The following ARPC3 variants were observed in gnomAD, a reference collection of about 807,000 sequenced individuals.
ARPC3 encodes the protein actin related protein 2/3 complex subunit 3.
In ARPC3, 12 loss-of-function variants were observed where a neutral mutation model predicts 27.6. The ratio of observed to expected loss-of-function variants is 0.43; its 90% CI spans 0.28 to 0.70. ARPC3 has a LOEUF of 0.70. Among genes scored for constraint, ARPC3 ranks in the 30% least tolerant of loss-of-function variants. ARPC3 has a pLI of 0.17. For synonymous variants in ARPC3, 53 were observed against 67.2 expected (o/e 0.79, Z 1.03); for missense variants, 153 against 207.7 (o/e 0.74, Z 1.62).
At chr12:110,441,805 TG>T (rs1349257040) in intron 2 of ARPC3, among the ~76,000 whole-genome samples, 1 of 151,584 alleles carries the variant, frequency 6.6e-6, no homozygotes, top group Non-Finnish European at 1.5e-5. Context: ...CCGAGACGGG[TG>T]GATCACCTGA....
intron 3 of ARPC3, chr12:110,437,444 T>A: frequency 2.9e-6 from 1 of 345,742 alleles, no homozygotes; most frequent in Non-Finnish European, 5.5e-6. Flanking sequence ...CTCAGCTCAC[T>A]GCAACCTCCA....
intron 1 of ARPC3, 124 bp downstream of exon 1, chr12:110,450,127 GCCTC>G: frequency 7.3e-7 from 1 of 1,367,320 alleles, no homozygotes; most frequent in African/African-American, 1.4e-5. Context: ...CCCTCCCCTC[GCCTC>G]CCTCCTTCTC....
rs11346255 is a variant in ARPC3, at chr12:110,444,287, A to AT, written c.106+1164dup. On this transcript the variant is annotated intron_variant, in intron 2 of 6. Coordinates refer to ENST00000228825, the MANE Select transcript of ARPC3 (RefSeq NM_001278556.2). ...CGCCTGGCCTTTGCAGTGAAAAAAA[A>AT]TTTTTTTTTTTTTTTGAGATGAAGT... 4.0e-3 allele frequency among the ~76,000 whole-genome samples: 542 copies of AT among 136,034 alleles called. 3 individuals carry two copies. The highest frequency in any genetic ancestry group is 0.012 in the East Asian group (56 of 4,604). 89.2% of individuals were successfully genotyped at this position (136,034 alleles called of 152,430 possible). A position where few individuals can be genotyped will look rare whatever the true frequency, so the allele number is the denominator to read the frequency against.
chr12:110,435,275 A>C, intron 6 of ARPC3, 58 bp from the exon 7 acceptor site: 1 of 1,280,500 alleles, frequency 7.8e-7, no homozygotes, highest in Non-Finnish European at 1.1e-6. Flanking sequence ...TAGAATTTGC[A>C]TTTATTTAAT....
chr12:110,438,665 G>C (rs1422755580), intron 3 of ARPC3, among the ~76,000 whole-genome samples: 1 of 143,970 alleles, frequency 6.9e-6, no homozygotes, highest in African/African-American at 2.5e-5. Flanking sequence ...TTTTTTTTTT[G>C]AGTGTTTCAC....
intron 5 of ARPC3, 25 bp from the exon 6 acceptor site, chr12:110,436,229 ACT>A: frequency 6.3e-7 from 1 of 1,579,840 alleles, no homozygotes; most frequent in Non-Finnish European, 8.7e-7. Flanking sequence ...TTTAAAAAAA[ACT>A]GTATTTGCAA....
chr12:110,437,210 A>G, intron 3 of ARPC3, 58 bp from the exon 4 acceptor site: 1 of 1,130,396 alleles, frequency 8.8e-7, no homozygotes, highest in Non-Finnish European at 1.3e-6. Flanking sequence ...ATGATGTGCA[A>G]TGTATGCATT....
intron 1 of ARPC3, among the ~76,000 whole-genome samples, chr12:110,447,582 G>T (rs191098348): frequency 1.2e-3 from 177 of 152,262 alleles, no homozygotes; most frequent in Non-Finnish European, 2.2e-3. Flanking sequence ...AGACCACCCT[G>T]ACCAACATGG....
intron 3 of ARPC3, among the ~76,000 whole-genome samples, chr12:110,438,986 AG>A (rs960311743): frequency 1.5e-4 from 23 of 150,036 alleles, no homozygotes; most frequent in Admixed American, 9.9e-4. Flanking sequence ...GAAATGTGGC[AG>A]AGTTTTTTGT....
intron 3 of ARPC3, among the ~76,000 whole-genome samples, chr12:110,437,618 T>C (rs1566294699): frequency 6.6e-6 from 1 of 152,152 alleles, no homozygotes; most frequent in African/African-American, 2.4e-5. Context: ...TCTGTCCACC[T>C]CAGCCTCCCA....
intron 2 of ARPC3, among the ~76,000 whole-genome samples, chr12:110,442,032 C>CAA (rs774588008): frequency 2.7e-5 from 3 of 109,108 alleles, no homozygotes; most frequent in Admixed American, 9.7e-5. Context: ...ACTCTGTCTC[C>CAA]AAAAAAAAAA....
At position 110,435,164 on chromosome 12, in the gene ARPC3, A is replaced by G; in HGVS notation, c.528T>C (p.Pro176=). ...RQFMNKSLSG[P]GQ is the part of the protein sequence containing the mutation. ...GCTGCCCGGGCTCCCTTCACTGTCCAGGTCCTGAAAGACTCTTGTTCATGA... is the reference window on the plus strand; with the variant it reads ...GCTGCCCGGGCTCCCTTCACTGTCCGGGTCCTGAAAGACTCTTGTTCATGA... The change falls in exon 7 of 7, where the codon CCT becomes CCC. Residue 176 remains proline, a synonymous_variant. Transcript: ENST00000228825. 2 of 1,613,922 alleles carry G rather than the reference A, an allele frequency of 1.2e-6. No individual in the cohort carries two copies. The highest frequency in any genetic ancestry group is 1.7e-6 in the Non-Finnish European group (2 of 1,179,888).
intron 4 of ARPC3, 71 bp from the exon 5 acceptor site, chr12:110,436,754 A>ACAC: frequency 9.0e-7 from 1 of 1,110,998 alleles, no homozygotes; most frequent in East Asian, 2.6e-5. Flanking sequence ...ACACACACAC[A>ACAC]TATTTTACAG....
intron 2 of ARPC3, among the ~76,000 whole-genome samples, chr12:110,441,628 G>A (rs150250786): frequency 1.3e-5 from 2 of 151,724 alleles, no homozygotes; most frequent in African/African-American, 2.4e-5. Context: ...ATTCCTGAGC[G>A]CAAGTGATCC....
intron 5 of ARPC3, 103 bp from the exon 6 acceptor site, chr12:110,436,307 G>A (rs1282362428): frequency 3.6e-6 from 4 of 1,118,390 alleles, no homozygotes; most frequent in Non-Finnish European, 4.0e-6. Flanking sequence ...TTATACATTT[G>A]AACAGGATAC....
rs930420096 is a variant in ARPC3, at chr12:110,440,297, A to C, written c.183+15T>G. On this transcript the variant is annotated intron_variant, in intron 3 of 6. Coordinates refer to ENST00000228825, the MANE Select transcript of ARPC3 (RefSeq NM_001278556.2). ...TGAGAAAACTAAGTTAAATATTAAAAGCTCCGTAATTTACCTTAATTTCAT... is the reference window on the plus strand; with the variant it reads ...TGAGAAAACTAAGTTAAATATTAAACGCTCCGTAATTTACCTTAATTTCAT... The C allele has an allele frequency of 1.9e-6, 3 of 1,561,646 alleles. No individual in the cohort carries two copies. In the African/African-American group the frequency reaches 4.1e-5, roughly 21 times the overall value.
At chr12:110,444,301 T>C (rs1454764561) in intron 2 of ARPC3, among the ~76,000 whole-genome samples, 1 of 151,860 alleles carries the variant, frequency 6.6e-6, no homozygotes, top group Non-Finnish European at 1.5e-5. Context: ...TTTTTTTTTT[T>C]TGAGATGAAG....
At chr12:110,449,873 G>A (rs989664895) in intron 1 of ARPC3, among the ~76,000 whole-genome samples, 4 of 152,174 alleles carry the variant, frequency 2.6e-5, no homozygotes, top group Admixed American at 1.3e-4. Context: ...CGGGGCGGAG[G>A]AGGAAGTGGG....
chr12:110,438,893 T>C (rs758722206), intron 3 of ARPC3, among the ~76,000 whole-genome samples: 18 of 152,020 alleles, frequency 1.2e-4, no homozygotes, highest in Non-Finnish European at 2.1e-4. Flanking sequence ...TCCGCCCGCC[T>C]TGGCCTCCCA....
Sources: gnomAD v4.1 joint callset for allele counts (sites outside exome capture counted in the v4.1 genomes callset) on GRCh38, gnomAD v4.1.1 for gene constraint, MANE v1.5 for transcripts, NCBI Gene and HGNC (gene_info 2026-07-23, HGNC 2026-07-21) for gene names.